The following LRP1B variants were observed in gnomAD, a reference collection of about 807,000 sequenced individuals.
LRP1B encodes the protein low-density lipoprotein receptor-related protein 1B.
A neutral mutation model predicts 556.6 loss-of-function variants in LRP1B; 217 were observed. That is an observed-to-expected ratio of 0.39 (90% CI 0.35 to 0.44). The LOEUF is 0.44. Among genes scored for constraint, LRP1B ranks in the 20% least tolerant of loss-of-function variants. The pLI is 1.00. For missense variants in LRP1B, 5,053 were observed against 5,620.8 expected, an observed-to-expected ratio of 0.90 and a Z score of 3.23; for synonymous variants, 2,047 against 1,865.8, an observed-to-expected ratio of 1.10 and a Z score of -2.50.
At chr2:140,475,914 T>C (rs113249299) in intron 59 of LRP1B, among the ~76,000 whole-genome samples, 7,316 of 152,024 alleles carry the variant, frequency 0.048, 218 homozygotes, top group African/African-American at 0.052. Flanking sequence ...TGTCTAGTGG[T>C]CATCATATCT....
chr2:140,968,360 T>C (rs1696298254), intron 18 of LRP1B, among the ~76,000 whole-genome samples: 4 of 152,124 alleles, frequency 2.6e-5, no homozygotes, highest in Admixed American at 2.6e-4. Context: ...TGTATTTCTG[T>C]GGTATTGGTG....
chr2:141,794,448 A>C (rs1479073119), intron 2 of LRP1B, among the ~76,000 whole-genome samples: 2 of 151,930 alleles, frequency 1.3e-5, no homozygotes, highest in East Asian at 3.9e-4. Flanking sequence ...ATCTGTTCAG[A>C]TTGAAGGGCT....
chr2:141,311,473 T>G (rs1431371848), intron 3 of LRP1B, among the ~76,000 whole-genome samples: 3 of 152,144 alleles, frequency 2.0e-5, no homozygotes, highest in African/African-American at 7.2e-5. Context: ...CACTATAGGC[T>G]GAATAGTTGT....
intron 41 of LRP1B, among the ~76,000 whole-genome samples, chr2:140,670,166 C>T (rs1033075712): frequency 2.0e-5 from 3 of 152,032 alleles, no homozygotes; most frequent in Non-Finnish European, 2.9e-5. Context: ...GAAGACACTA[C>T]GCATCCAATT....
At chr2:140,779,351 C>T (rs1329304394) in intron 32 of LRP1B, among the ~76,000 whole-genome samples, 1 of 152,084 alleles carries the variant, frequency 6.6e-6, no homozygotes, top group East Asian at 1.9e-4. Flanking sequence ...CTAGGAAATT[C>T]TTAGGGGAAA....
chr2:142,024,620 G>GTTTTTT (rs3041443), intron 1 of LRP1B, among the ~76,000 whole-genome samples: 7 of 131,012 alleles, frequency 5.3e-5, no homozygotes, highest in Non-Finnish European at 9.5e-5. Flanking sequence ...CAGCTGAAAT[G>GTTTTTT]TTTTTTTTTT....
intron 7 of LRP1B, among the ~76,000 whole-genome samples, chr2:141,065,674 C>T (rs1266944693): frequency 6.6e-6 from 1 of 151,876 alleles, no homozygotes; most frequent in African/African-American, 2.4e-5. Context: ...GTTACCACCC[C>T]TAGGGCTTAG....
chr2:141,406,594 C>CT (rs141144230), intron 3 of LRP1B, among the ~76,000 whole-genome samples: 3 of 144,852 alleles, frequency 2.1e-5, no homozygotes, highest in African/African-American at 7.7e-5. Context: ...ATCTATCTAT[C>CT]ATCTATCTTA....
chr2:141,557,252 C>A (rs1008777665), intron 2 of LRP1B, among the ~76,000 whole-genome samples: 1 of 151,662 alleles, frequency 6.6e-6, no homozygotes, highest in Non-Finnish European at 1.5e-5. Flanking sequence ...AAACAAACAA[C>A]AACGAAACGA....
At chr2:141,038,766 C>G (rs908782933) in intron 11 of LRP1B, among the ~76,000 whole-genome samples, 1 of 151,928 alleles carries the variant, frequency 6.6e-6, no homozygotes, top group Non-Finnish European at 1.5e-5. Context: ...AATAGTATTC[C>G]TAAGTAAATG....
At chr2:141,953,414 A>G (rs1369423077) in intron 1 of LRP1B, among the ~76,000 whole-genome samples, 1 of 152,114 alleles carries the variant, frequency 6.6e-6, no homozygotes, top group East Asian at 1.9e-4. Flanking sequence ...AACTAAGGAA[A>G]GGCTGTAAAG....
chr2:140,447,110 G>T (rs1204965797), intron 63 of LRP1B, among the ~76,000 whole-genome samples: 2 of 151,874 alleles, frequency 1.3e-5, no homozygotes, highest in Admixed American at 1.3e-4. Context: ...ACCACAATAA[G>T]ATATCACCTT....
At chr2:141,794,734 A>T (rs555486027) in intron 2 of LRP1B, among the ~76,000 whole-genome samples, 1 of 152,112 alleles carries the variant, frequency 6.6e-6, no homozygotes, top group African/African-American at 2.4e-5. Flanking sequence ...AAAGTATATA[A>T]TTGATGTCTT....
intron 2 of LRP1B, among the ~76,000 whole-genome samples, chr2:141,541,885 G>A (rs1252793784): frequency 1.3e-5 from 2 of 152,060 alleles, no homozygotes; most frequent in Non-Finnish European, 1.5e-5. Flanking sequence ...CTAGAAATCT[G>A]TAAATTGCTA....
At chr2:141,082,382 A>T (rs536980428) in intron 7 of LRP1B, among the ~76,000 whole-genome samples, 1 of 152,262 alleles carries the variant, frequency 6.6e-6, no homozygotes, top group East Asian at 1.9e-4. Flanking sequence ...TTCTCTTATT[A>T]CTTACTCAGT....
chr2:141,024,926 C>T (rs1698176095), intron 11 of LRP1B, among the ~76,000 whole-genome samples: 1 of 151,954 alleles, frequency 6.6e-6, no homozygotes, highest in African/African-American at 2.4e-5. Flanking sequence ...AGAAGGCCTG[C>T]TGTTTTCACT....
intron 7 of LRP1B, among the ~76,000 whole-genome samples, chr2:141,170,849 T>C (rs1429277137): frequency 6.6e-6 from 1 of 152,106 alleles, no homozygotes; most frequent in Non-Finnish European, 1.5e-5. Context: ...ATTTGTGAAA[T>C]TGGATTGTAA....
rs552675274 is a variant in LRP1B at position 140,883,244 on chromosome 2, A to T, written c.4169+573T>A. Among the ~76,000 whole-genome samples the T allele has an allele frequency of 2.6e-5, 4 of 152,290 alleles. No homozygotes were observed. The South Asian group carries it at 8.3e-4, about 32-fold the overall frequency. On this transcript the variant is annotated intron_variant, in intron 25 of 90. Transcript: ENST00000389484. ...CAAAAGGGAAGAGGGCAGTAACCTG[A>T]GTTACTCAACATTGAACCTTGTTTT...
At chr2:140,515,538 A>G (rs1332567782) in intron 50 of LRP1B, among the ~76,000 whole-genome samples, 3 of 152,096 alleles carry the variant, frequency 2.0e-5, no homozygotes, top group African/African-American at 7.2e-5. Flanking sequence ...AAGGTGTTCA[A>G]AATATAAACT....
Sources: gnomAD v4.1 joint callset for allele counts (sites outside exome capture counted in the v4.1 genomes callset) on GRCh38, gnomAD v4.1.1 for gene constraint, MANE v1.5 for transcripts, NCBI Gene and HGNC (gene_info 2026-07-23, HGNC 2026-07-21) for gene names.